Variants in SHQ1 observed in about 807,000 individuals in gnomAD.
SHQ1 encodes the protein SHQ1, H/ACA ribonucleoprotein assembly factor.
A neutral mutation model predicts 53.8 loss-of-function variants in SHQ1; 49 were observed. That is an observed-to-expected ratio of 0.91 (90% confidence interval 0.72 to 1.16). The LOEUF is 1.16. Among genes scored for constraint, SHQ1 ranks in the 50% most tolerant of loss-of-function variants. The probability of loss-of-function intolerance (pLI) is 0.00; values close to 1 mark genes in which losing one functional copy is unlikely to be tolerated. For missense variants in SHQ1, 738 were observed against 683.1 expected, an observed-to-expected ratio of 1.08 and a Z score of -0.90; for synonymous variants, 243 against 251.0, an observed-to-expected ratio of 0.97 and a Z score of 0.30.
At chr3:72,812,611 C>A in intron 9 of SHQ1, 60 bp downstream of exon 9, 1 of 1,592,604 alleles carries the variant, frequency 6.3e-7, no homozygotes, top group Admixed American at 1.7e-5. Flanking sequence ...ATTATATCTT[C>A]ACAGACTAAA....
chr3:72,759,928 C>A (rs1224210312), intron 10 of SHQ1, among the ~76,000 whole-genome samples: 1 of 152,140 alleles, frequency 6.6e-6, no homozygotes, highest in African/African-American at 2.4e-5. Context: ...CTTTTTGTAG[C>A]AGAATCAGAG....
At chr3:72,765,862 C>T (rs1264133845) in intron 10 of SHQ1, among the ~76,000 whole-genome samples, 1 of 152,022 alleles carries the variant, frequency 6.6e-6, no homozygotes, top group African/African-American at 2.4e-5. Flanking sequence ...CAAATAAATA[C>T]TTGAAAGTAC....
the SHQ1 span, among the ~76,000 whole-genome samples, chr3:72,727,039 A>G: frequency 9.9e-5 from 15 of 152,026 alleles, no homozygotes; most frequent in Non-Finnish European, 2.2e-4. Context: ...ATTTCAGTCA[A>G]CTCTTGACAT....
intron 9 of SHQ1, among the ~76,000 whole-genome samples, chr3:72,811,087 T>A (rs1314248436): frequency 2.0e-5 from 3 of 152,208 alleles, no homozygotes; most frequent in African/African-American, 7.2e-5. Context: ...GGTTATGCAA[T>A]CATAGTACTG....
the SHQ1 span, among the ~76,000 whole-genome samples, chr3:72,740,664 C>G: frequency 1.3e-5 from 2 of 152,146 alleles, no homozygotes; most frequent in African/African-American, 4.8e-5. Context: ...GTTATGGAGC[C>G]TCGGACTGAT....
intron 1 of SHQ1, among the ~76,000 whole-genome samples, chr3:72,847,843 G>A (rs751354786): frequency 1.3e-5 from 2 of 152,194 alleles, no homozygotes; most frequent in Admixed American, 6.5e-5. Flanking sequence ...CAGGAAGGGA[G>A]AGACTGGGAG....
chr3:72,838,795 T>C (rs1025426674), intron 4 of SHQ1, among the ~76,000 whole-genome samples: 4 of 152,182 alleles, frequency 2.6e-5, no homozygotes, highest in African/African-American at 9.7e-5. Context: ...CCAGCCACAG[T>C]GGTTTATTTC....
the SHQ1 span, among the ~76,000 whole-genome samples, chr3:72,737,425 T>C: frequency 6.6e-6 from 1 of 151,906 alleles, no homozygotes; most frequent in Non-Finnish European, 1.5e-5. Flanking sequence ...AGGGGAAAGA[T>C]GCATCTTTGG....
At chr3:72,807,848 G>C (rs528768563) in intron 9 of SHQ1, among the ~76,000 whole-genome samples, 1 of 152,064 alleles carries the variant, frequency 6.6e-6, no homozygotes, top group East Asian at 1.9e-4. Flanking sequence ...CTGAAAATTT[G>C]TTTATTGAGC....
intron 8 of SHQ1, among the ~76,000 whole-genome samples, chr3:72,813,324 A>G (rs1011245870): frequency 5.3e-5 from 8 of 151,674 alleles, no homozygotes; most frequent in African/African-American, 1.9e-4. Flanking sequence ...AAAATTAGCC[A>G]GGTGTGGTGA....
intron 9 of SHQ1, among the ~76,000 whole-genome samples, chr3:72,804,427 A>T (rs1264694919): frequency 1.3e-5 from 1 of 79,132 alleles, no homozygotes; most frequent in South Asian, 4.7e-4. Flanking sequence ...CCACCCCCCC[A>T]CCCCGCCACC....
chr3:72,822,072 C>T (rs1354613725), intron 6 of SHQ1, among the ~76,000 whole-genome samples: 1 of 152,194 alleles, frequency 6.6e-6, no homozygotes, highest in Non-Finnish European at 1.5e-5. Context: ...CATTCAATCT[C>T]AGGACAACTC....
intron 4 of SHQ1, among the ~76,000 whole-genome samples, chr3:72,835,318 G>A (rs1256351332): frequency 6.6e-6 from 1 of 152,026 alleles, no homozygotes; most frequent in East Asian, 1.9e-4. Flanking sequence ...GGAACAAGCA[G>A]AGGCCTCAAT....
intron 10 of SHQ1, 116 bp downstream of exon 10, chr3:72,792,800 A>AAC (rs1706480155): frequency 1.4e-6 from 1 of 736,670 alleles, no homozygotes; most frequent in African/African-American, 1.9e-5. Flanking sequence ...AAAAAAAAAA[A>AAC]AAAAAAAAAA....
intron 10 of SHQ1, among the ~76,000 whole-genome samples, chr3:72,779,367 C>T (rs1162452590): frequency 6.6e-6 from 1 of 152,204 alleles, no homozygotes; most frequent in Non-Finnish European, 1.5e-5. Context: ...GTACTCAAAC[C>T]AAACATTTCC....
chr3:72,787,308 T>TA (rs1706263284), intron 10 of SHQ1, among the ~76,000 whole-genome samples: 1 of 152,160 alleles, frequency 6.6e-6, no homozygotes, highest in Non-Finnish European at 1.5e-5. Context: ...ACTACCTACT[T>TA]AAAAAAACTA....
intron 9 of SHQ1, among the ~76,000 whole-genome samples, chr3:72,795,805 C>T (rs1706594193): frequency 6.6e-6 from 1 of 152,146 alleles, no homozygotes; most frequent in South Asian, 2.1e-4. Flanking sequence ...AACAGGTTAA[C>T]AGAAAATGCA....
chr3:72,764,431 G>C (rs11922794), intron 10 of SHQ1, among the ~76,000 whole-genome samples: 50,455 of 152,064 alleles, frequency 0.33, 10,369 homozygotes, highest in African/African-American at 0.58. Context: ...ACAAGTGGTC[G>C]TCTATAGAAA....
chr3:72,818,796 G>C (rs531954687), intron 6 of SHQ1, among the ~76,000 whole-genome samples: 1 of 152,306 alleles, frequency 6.6e-6, no homozygotes, highest in East Asian at 1.9e-4. Context: ...ATGGTGAAGT[G>C]AGAGAGCCTG....
Sources: allele counts gnomAD v4.1 joint callset (sites outside exome capture counted in the v4.1 genomes callset), GRCh38; gene constraint gnomAD v4.1.1; transcripts MANE v1.5; gene names NCBI Gene and HGNC (gene_info 2026-07-23, HGNC 2026-07-21).